PTPRN2: variants seen among roughly 807,000 people sequenced by gnomAD.
The protein encoded by PTPRN2 is protein tyrosine phosphatase receptor type N2, also known as receptor-type tyrosine-protein phosphatase N2.
In PTPRN2, 74 loss-of-function variants were observed where a neutral mutation model predicts 118.8. The ratio of observed to expected loss-of-function variants is 0.62; its 90% CI spans 0.52 to 0.76. The LOEUF (loss-of-function observed/expected upper bound fraction) is 0.76. Ranked by LOEUF, PTPRN2 falls within the 30% of genes least tolerant of loss-of-function variation. The pLI, the probability that PTPRN2 is intolerant of heterozygous loss-of-function variation, is 0.00. For missense variants in PTPRN2, 1,481 were observed against 1,394.4 expected (o/e 1.06, Z -0.99); for synonymous variants, 641 against 608.0 (o/e 1.05, Z -0.80).
At position 157,550,442 on chromosome 7, in the gene PTPRN2, T is replaced by C. The variant is rs1798536847; in HGVS notation, c.2903-1423A>G. Among the ~76,000 whole-genome samples the C allele has an allele frequency of 1.3e-5, 2 of 152,130 alleles. No individual in the cohort carries two copies. Among genetic ancestry groups the C allele is most frequent in the Non-Finnish European group, 2.9e-5 (2 of 68,008 alleles). On this transcript the variant is annotated intron_variant, in intron 21 of 22. Coordinates refer to ENST00000389418, the MANE Select transcript of PTPRN2 (RefSeq NM_002847.5). The surrounding 1 kb of genome is among the most constrained non-coding windows in gnomAD (Gnocchi z 5.2). ...TTGCATGAAGGGAGAACAAAGCAGGTGGTGTGGAGAATCTGGCTGTCAGGA... is the reference window on the plus strand; with the variant it reads ...TTGCATGAAGGGAGAACAAAGCAGGCGGTGTGGAGAATCTGGCTGTCAGGA...
chr7:157,573,003 T>A (rs2150517467), intron 19 of PTPRN2, among the ~76,000 whole-genome samples: 1 of 152,222 alleles, frequency 6.6e-6, no homozygotes, highest in Middle Eastern at 3.4e-3. Context: ...TATGCCAGAG[T>A]GCCTTGAACA....
intron 12 of PTPRN2, among the ~76,000 whole-genome samples, chr7:157,828,215 C>G (rs144439192): frequency 0.015 from 2,273 of 152,284 alleles, 63 homozygotes; most frequent in African/African-American, 0.052. Flanking sequence ...CCCTTCCACG[C>G]GTGTGGTCAC....
intron 12 of PTPRN2, among the ~76,000 whole-genome samples, chr7:157,895,426 A>C (rs1797056041): frequency 6.6e-6 from 1 of 152,262 alleles, no homozygotes; most frequent in African/African-American, 2.4e-5. Context: ...CCATAAAATA[A>C]GCCAGAGGAT....
chr7:158,308,196 A>T (rs1801436855), intron 3 of PTPRN2, among the ~76,000 whole-genome samples: 1 of 152,240 alleles, frequency 6.6e-6, no homozygotes, highest in Non-Finnish European at 1.5e-5. Flanking sequence ...CAGTGGAATG[A>T]TATATTCAAA....
At chr7:158,332,876 T>A (rs1226347276) in intron 2 of PTPRN2, among the ~76,000 whole-genome samples, 6 of 146,698 alleles carry the variant, frequency 4.1e-5, no homozygotes, top group Non-Finnish European at 1.5e-5. Flanking sequence ...ACTCTCACCA[T>A]AAGAAGTGAC....
At chr7:158,582,991 C>T (rs1045496490) in intron 1 of PTPRN2, among the ~76,000 whole-genome samples, 2 of 152,040 alleles carry the variant, frequency 1.3e-5, no homozygotes, top group Non-Finnish European at 2.9e-5. Context: ...ATGGCTCACC[C>T]GCAAAGCCAG....
In PTPRN2 at chr7:158,431,009, G is replaced by A. The variant is rs150630264; in HGVS notation, c.163+58726C>T. 5.8e-4 allele frequency among the ~76,000 whole-genome samples: 88 copies of A among 152,334 alleles called. No individual in the cohort carries two copies. In the East Asian group the frequency reaches 0.013, roughly 23 times the overall value. ...TCAGCCCTTGAGGGAGCTGGCTAACGAGGACCACCCAAGACCCCAGAACAT... is the reference window on the plus strand; with the variant it reads ...TCAGCCCTTGAGGGAGCTGGCTAACAAGGACCACCCAAGACCCCAGAACAT... On this transcript the variant is annotated intron_variant, in intron 2 of 22. Transcript: ENST00000389418.
intron 11 of PTPRN2, among the ~76,000 whole-genome samples, chr7:157,984,199 C>G (rs2128834469): frequency 6.6e-6 from 1 of 152,108 alleles, no homozygotes; most frequent in South Asian, 2.1e-4. Context: ...AACCAGCGTC[C>G]CTGCCTGAGT....
At chr7:158,139,719 G>A (rs1819194905) in intron 6 of PTPRN2, among the ~76,000 whole-genome samples, 1 of 152,162 alleles carries the variant, frequency 6.6e-6, no homozygotes, top group African/African-American at 2.4e-5. Context: ...CCACACATGA[G>A]AATGGAAAGG....
intron 11 of PTPRN2, among the ~76,000 whole-genome samples, chr7:158,063,029 G>A (rs1213722421): frequency 6.6e-6 from 1 of 152,244 alleles, no homozygotes; most frequent in Admixed American, 6.5e-5. Context: ...AGCCAGTTGG[G>A]CTCCTGAGTC....
At chr7:157,656,259 T>A in intron 14 of PTPRN2, 98 bp downstream of exon 14, 2 of 1,279,812 alleles carry the variant, frequency 1.6e-6, no homozygotes, top group Non-Finnish European at 2.2e-6. Context: ...CATCGCCCAG[T>A]CCCCGAGGGT....
At chr7:157,917,955 G>A (rs930803053) in intron 11 of PTPRN2, among the ~76,000 whole-genome samples, 3 of 152,090 alleles carry the variant, frequency 2.0e-5, no homozygotes, top group Non-Finnish European at 2.9e-5. Context: ...ATTTGACTAA[G>A]ATTTTTTTGT....
intron 12 of PTPRN2, among the ~76,000 whole-genome samples, chr7:157,898,415 T>C (rs1391812595): frequency 6.6e-6 from 1 of 152,260 alleles, no homozygotes; most frequent in Non-Finnish European, 1.5e-5. Flanking sequence ...CCGTTCTTCT[T>C]AGCCATGAAT....
chr7:157,656,970 C>A (rs1563311647), intron 13 of PTPRN2, among the ~76,000 whole-genome samples: 2 of 120,760 alleles, frequency 1.7e-5, no homozygotes, highest in Admixed American at 8.7e-5. Flanking sequence ...CACACATACA[C>A]CACACACACC....
intron 2 of PTPRN2, among the ~76,000 whole-genome samples, chr7:158,447,936 G>GGGCT (rs1257354174): frequency 6.6e-6 from 1 of 152,250 alleles, no homozygotes; most frequent in African/African-American, 2.4e-5. Context: ...ACACGGCACA[G>GGGCT]GGCAAATGCC....
intron 2 of PTPRN2, among the ~76,000 whole-genome samples, chr7:158,450,586 A>G (rs1327258384): frequency 6.6e-6 from 1 of 152,156 alleles, no homozygotes; most frequent in Admixed American, 6.5e-5. Flanking sequence ...AGCTGTGCTC[A>G]CGGCCGCGCC....
chr7:158,311,630 G>T (rs1290887017), intron 3 of PTPRN2, among the ~76,000 whole-genome samples: 1 of 152,234 alleles, frequency 6.6e-6, no homozygotes, highest in Non-Finnish European at 1.5e-5. Context: ...TCCTCTTCGT[G>T]CAGAAGACTC....
In PTPRN2 at chr7:157,781,159, C is replaced by T. The variant is rs561050723; in HGVS notation, c.1789-98222G>A. 3.7e-4 allele frequency among the ~76,000 whole-genome samples: 56 copies of T among 152,320 alleles called. 1 individual carries two copies. Among genetic ancestry groups the T allele is most frequent in the African/African-American group, 8.9e-4 (37 of 41,570 alleles). ...TGGCCAGAGCACTGCCCTGCCACAG[C>T]CCTGACCCCACAGCACCAGGCCTTT... is the stretch of plus-strand genomic sequence containing the variant. On this transcript the variant is annotated intron_variant, in intron 12 of 22. Coordinates refer to ENST00000389418, the MANE Select transcript of PTPRN2 (RefSeq NM_002847.5).
chr7:157,674,408 G>C lies in PTPRN2; in HGVS notation c.2001+8317C>G, dbSNP rs542471273. Among the ~76,000 whole-genome samples, 1 of 152,272 alleles carries C rather than the reference G, an allele frequency of 6.6e-6. No individual in the cohort carries two copies. Among genetic ancestry groups the C allele is most frequent in the Non-Finnish European group, 1.5e-5 (1 of 68,016 alleles). On this transcript the variant is annotated intron_variant, in intron 13 of 22. Transcript: ENST00000389418. This position sits in a 1 kb window ranked among gnomAD's most constrained non-coding sequence, Gnocchi z 4.5. Reference sequence around the variant, plus strand: ...ATTTGGAAATGACTTTCATCTGCTGGGTCCTCCTCGGTTTGACGTGCAATT... The same window carrying C: ...ATTTGGAAATGACTTTCATCTGCTGCGTCCTCCTCGGTTTGACGTGCAATT...
Sources: gnomAD v4.1 joint callset for allele counts (sites outside exome capture counted in the v4.1 genomes callset) on GRCh38, gnomAD v4.1.1 for gene constraint, Gnocchi (gnomAD v3.1) non-coding constraint, MANE v1.5 for transcripts, NCBI Gene and HGNC (gene_info 2026-07-23, HGNC 2026-07-21) for gene names.